Variants in MAN2B2 observed in about 807,000 individuals in gnomAD.
MAN2B2 encodes the protein mannosidase alpha class 2B member 2, also known as epididymis-specific alpha-mannosidase.
In MAN2B2, 106 loss-of-function variants were observed where a neutral mutation model predicts 117.1. That is an observed-to-expected ratio of 0.90 (90% confidence interval 0.77 to 1.06). The LOEUF (loss-of-function observed/expected upper bound fraction) is 1.06. Ranked by LOEUF, MAN2B2 falls within the 50% of genes least tolerant of loss-of-function variation. The pLI, the probability that MAN2B2 is intolerant of heterozygous loss-of-function variation, is 0.00. For missense variants in MAN2B2, 1,326 were observed against 1,381.4 expected (o/e 0.96, Z 0.64); for synonymous variants, 544 against 595.1 (o/e 0.91, Z 1.25).
At position 6,579,331 on chromosome 4, in the gene MAN2B2, C is replaced by CCACCACCAT. The variant is rs1726310230; in HGVS notation, c.391+841_391+842insTCACCACCA. On this transcript the variant is annotated intron_variant, in intron 3 of 18. Coordinates refer to ENST00000285599, the MANE Select transcript of MAN2B2 (RefSeq NM_015274.3). ...ACCACCACCACCATCACCACCACCA[C>CCACCACCAT]CACCACCACCATCACCATCACCACC... Among the ~76,000 whole-genome samples, 5 of 84,744 alleles carry CCACCACCAT rather than the reference C, an allele frequency of 5.9e-5. 1 individual carries two copies. Among genetic ancestry groups the CCACCACCAT allele is most frequent in the Non-Finnish European group, 9.8e-5 (4 of 40,656 alleles). The allele number at this position is 84,744 out of a possible 152,430, so 55.6% of individuals were successfully genotyped here.
At chr4:6,601,865 C>T (rs985572048) in intron 10 of MAN2B2, among the ~76,000 whole-genome samples, 2 of 152,212 alleles carry the variant, frequency 1.3e-5, no homozygotes, top group African/African-American at 4.8e-5. Flanking sequence ...ACCTCCAAAC[C>T]TTCCTTGGTC....
chr4:6,581,671 C>T (rs1285814286), intron 3 of MAN2B2, among the ~76,000 whole-genome samples: 1 of 151,508 alleles, frequency 6.6e-6, no homozygotes, highest in Non-Finnish European at 1.5e-5. Context: ...CCCTGGACAG[C>T]AAAGGAAGAC....
intron 3 of MAN2B2, among the ~76,000 whole-genome samples, chr4:6,583,290 G>A (rs556041539): frequency 2.0e-5 from 3 of 152,314 alleles, no homozygotes; most frequent in Admixed American, 6.5e-5. Context: ...CTGGGGAATA[G>A]AGTCTATTTT....
chr4:6,620,072 A>G (rs1205125342), intron 18 of MAN2B2, 28 bp downstream of exon 18: 1 of 1,570,368 alleles, frequency 6.4e-7, no homozygotes, highest in Non-Finnish European at 8.7e-7. Flanking sequence ...TCAGCTCCCT[A>G]CCCAGGACTC....
intron 3 of MAN2B2, among the ~76,000 whole-genome samples, chr4:6,585,509 C>A (rs1726596671): frequency 6.6e-6 from 1 of 152,218 alleles, no homozygotes; most frequent in Admixed American, 6.5e-5. Context: ...ATCTGGTTCA[C>A]TATGGTGACT....
In MAN2B2 at chr4:6,598,272, G is replaced by C; in HGVS notation, c.1323G>C (p.Ser441=). 1 of 1,613,684 alleles carries C rather than the reference G, an allele frequency of 6.2e-7. No homozygotes were observed. The highest frequency in any genetic ancestry group is 8.5e-7 in the Non-Finnish European group (1 of 1,180,034). The change falls in exon 9 of 19, where the codon TCG becomes TCC. Residue 441 remains serine, a synonymous_variant. Coordinates refer to ENST00000285599, the MANE Select transcript of MAN2B2 (RefSeq NM_015274.3). ...ACATGTACGCAACGCACCTGGCCTCGGGGATGCTGGGCATGCGCAAGCTGA... is the reference window on the plus strand; with the variant it reads ...ACATGTACGCAACGCACCTGGCCTCCGGGATGCTGGGCATGCGCAAGCTGA... ...VRDMYATHLA[S]GMLGMRKLMA... is the part of the protein sequence containing the mutation.
intron 12 of MAN2B2, chr4:6,609,575 G>A (rs957984699): frequency 2.0e-5 from 13 of 641,740 alleles, no homozygotes; most frequent in East Asian, 5.5e-5. Flanking sequence ...CAGAGCAGAC[G>A]TAAGGCAGGC....
At chr4:6,606,344 T>C (rs1432570412) in intron 11 of MAN2B2, among the ~76,000 whole-genome samples, 1 of 152,076 alleles carries the variant, frequency 6.6e-6, no homozygotes, top group African/African-American at 2.4e-5. Flanking sequence ...GTGGGGCAGG[T>C]GCAGGGGTGA....
chr4:6,615,027 G>C (rs1486715120), intron 16 of MAN2B2, among the ~76,000 whole-genome samples: 4 of 152,222 alleles, frequency 2.6e-5, no homozygotes, highest in Admixed American at 2.6e-4. Flanking sequence ...ACCGTGAGCA[G>C]TGGAAAGGCA....
In MAN2B2 at chr4:6,617,504, C is replaced by T. The variant is rs759229852; in HGVS notation, c.2814+12C>T. ...CAGTGAATCTGGAGGTGAACTTCCCCACCCCCATCCAGACCATAAGCCAGG... is the reference window on the plus strand; with the variant it reads ...CAGTGAATCTGGAGGTGAACTTCCCTACCCCCATCCAGACCATAAGCCAGG... On this transcript the variant is annotated intron_variant, in intron 17 of 18. Transcript: ENST00000285599. The T allele has an allele frequency of 6.2e-7, 1 of 1,613,872 alleles. No individual in the cohort carries two copies. The highest frequency in any genetic ancestry group is 1.1e-5 in the South Asian group (1 of 91,028).
intron 2 of MAN2B2, among the ~76,000 whole-genome samples, chr4:6,577,095 CCCAGGGT>C (rs926851224): frequency 6.6e-6 from 1 of 152,132 alleles, no homozygotes; most frequent in African/African-American, 2.4e-5. Context: ...GGCCCCCGGG[CCCAGGGT>C]CTGGTGACCC....
intron 17 of MAN2B2, chr4:6,617,846 A>C (rs1275931208): frequency 1.6e-4 from 17 of 108,354 alleles, no homozygotes; most frequent in Admixed American, 7.8e-4. Flanking sequence ...ACGATGGCTA[A>C]GTTTTTTTTT....
Position 6,597,267 on chromosome 4 carries a change from GCAGCAGCTC to G in MAN2B2, c.1221_1229del (p.Gln408_Leu410del). 1 of 1,577,832 alleles carries G rather than the reference GCAGCAGCTC, an allele frequency of 6.3e-7. No homozygotes were observed. Among genetic ancestry groups the G allele is most frequent in the Non-Finnish European group, 8.6e-7 (1 of 1,161,566 alleles). On this transcript the variant is annotated inframe_deletion, in exon 8 of 19. Coordinates refer to ENST00000285599, the MANE Select transcript of MAN2B2 (RefSeq NM_015274.3). ...GGCATCTGGACCCCACCTGGGCCCT[GCAGCAGCTC>G]CAGCAGCTTCGCTGGGCCGTCTCCG... is the stretch of plus-strand genomic sequence containing the variant.
intron 18 of MAN2B2, chr4:6,620,738 T>G: frequency 6.1e-6 from 1 of 163,454 alleles, no homozygotes; most frequent in Non-Finnish European, 1.3e-5. Context: ...GATGGATGAG[T>G]GATAGATAAG....
intron 16 of MAN2B2, among the ~76,000 whole-genome samples, chr4:6,616,647 G>A (rs1711888434): frequency 6.6e-6 from 1 of 152,204 alleles, no homozygotes; most frequent in South Asian, 2.1e-4. Flanking sequence ...AGGCCACGCA[G>A]CCTCCCCTGA....
chr4:6,590,918 G>A lies in MAN2B2; in HGVS notation c.680+1758G>A, dbSNP rs188229770. Among the ~76,000 whole-genome samples, 205 of 152,308 alleles carry A rather than the reference G, an allele frequency of 1.3e-3. 3 individuals are homozygous for A. Among genetic ancestry groups the A allele is most frequent in the African/African-American group, 4.7e-3 (196 of 41,574 alleles). ...AATCCCAGCACTTTGGGAGGCCGAG[G>A]CAGGTGGGTCACTTGAGGTTAGGAG... is the stretch of plus-strand genomic sequence containing the variant. On this transcript the variant is annotated intron_variant, in intron 5 of 18. Coordinates refer to ENST00000285599, the MANE Select transcript of MAN2B2 (RefSeq NM_015274.3).
In MAN2B2 at chr4:6,617,153, G is replaced by GAC. The variant is rs146534149; in HGVS notation, c.2702-226_2702-225dup. Among the ~76,000 whole-genome samples the GAC allele has an allele frequency of 4.6e-3, 702 of 152,228 alleles. 4 individuals are homozygous for GAC. The highest frequency in any genetic ancestry group is 0.016 in the African/African-American group (677 of 41,520). On this transcript the variant is annotated intron_variant, in intron 16 of 18. Transcript: ENST00000285599. Reference sequence around the variant, plus strand: ...ACTATCACAAGAACAGCACAGGAAAGACTCACCCCCATGATTCAATTACCT... The same window carrying GAC: ...ACTATCACAAGAACAGCACAGGAAAGACACTCACCCCCATGATTCAATTACCT...
chr4:6,587,748 TTG>T (rs1308361029), intron 4 of MAN2B2, among the ~76,000 whole-genome samples: 8 of 125,648 alleles, frequency 6.4e-5, no homozygotes, highest in East Asian at 3.5e-4. Context: ...TTTTGGGTTG[TTG>T]TTTTTTTTTT....
rs116323617 is a variant in MAN2B2 at position 6,603,366 on chromosome 4, G to A, written c.1540-1689G>A. On this transcript the variant is annotated intron_variant, in intron 10 of 18. Coordinates refer to ENST00000285599, the MANE Select transcript of MAN2B2 (RefSeq NM_015274.3). Reference sequence around the variant, plus strand: ...CCCTGGGCTGGGTGCTGGGCCCCTGGACCTGAGCGAGGCCAGGCCCCATCC... The same window carrying A: ...CCCTGGGCTGGGTGCTGGGCCCCTGAACCTGAGCGAGGCCAGGCCCCATCC... Among the ~76,000 whole-genome samples, 1,032 of 152,268 alleles carry A rather than the reference G, an allele frequency of 6.8e-3. 10 individuals are homozygous for A. Among genetic ancestry groups the A allele is most frequent in the Non-Finnish European group, 0.011 (772 of 68,020 alleles).
Sources: allele counts gnomAD v4.1 joint callset (sites outside exome capture counted in the v4.1 genomes callset), GRCh38; gene constraint gnomAD v4.1.1; transcripts MANE v1.5; gene names NCBI Gene and HGNC (gene_info 2026-07-23, HGNC 2026-07-21).